The following THBS2 variants were observed in gnomAD, a reference collection of about 807,000 sequenced individuals.
THBS2 encodes the protein thrombospondin-2.
A neutral mutation model predicts 135.2 loss-of-function variants in THBS2; 47 were observed. That is an observed-to-expected ratio of 0.35 (90% confidence interval 0.28 to 0.44). The LOEUF (loss-of-function observed/expected upper bound fraction) is 0.44, where lower values mean the gene tolerates loss of function less well. Ranked by LOEUF, THBS2 falls within the 20% of genes least tolerant of loss-of-function variation. The probability of loss-of-function intolerance (pLI) is 1.00; values close to 1 mark genes in which losing one functional copy is unlikely to be tolerated. For missense variants in THBS2, 1,288 were observed against 1,603.1 expected (o/e 0.80, Z 3.36); for synonymous variants, 639 against 633.8 (o/e 1.01, Z -0.12).
rs1189436852 is a variant in THBS2 at position 169,217,156 on chromosome 6, G to C, written c.*666C>G. On this transcript the variant is annotated 3_prime_UTR_variant, in exon 22 of 22. Coordinates refer to ENST00000617924, the MANE Select transcript of THBS2 (RefSeq NM_003247.5). ...TCTTTGATGAAACTGCATCTCTACT[G>C]CACATGAGGGCTTTCATTGTAGGAC... The C allele has an allele frequency of 1.3e-5, 2 of 152,264 alleles. No individual in the cohort carries two copies. The highest frequency in any genetic ancestry group is 4.8e-5 in the African/African-American group (2 of 41,468). The allele number at this position is 152,264 out of a possible 1,614,324, so 9.4% of individuals were successfully genotyped here.
In THBS2 at chr6:169,217,085, A is replaced by G. The variant is rs949395046; in HGVS notation, c.*737T>C. On this transcript the variant is annotated 3_prime_UTR_variant, in exon 22 of 22. Transcript: ENST00000617924. ...CTTTTACTTAAATGAGGTTTTGCCA[A>G]ATCCACATCTGGAACCGCGTCACAC... 6 of 152,268 alleles carry G rather than the reference A, an allele frequency of 3.9e-5. No individual in the cohort carries two copies. The highest frequency in any genetic ancestry group is 1.2e-4 in the African/African-American group (5 of 41,478). The allele number at this position is 152,268 out of a possible 1,614,324, so 9.4% of individuals were successfully genotyped here. A position where few individuals can be genotyped will look rare whatever the true frequency, so the allele number is the denominator to read the frequency against.
chr6:169,249,126 G>A lies in THBS2; in HGVS notation c.53-153C>T, dbSNP rs1057255662. Among the ~76,000 whole-genome samples, 4 of 152,106 alleles carry A rather than the reference G, an allele frequency of 2.6e-5. No individual in the cohort carries two copies. The South Asian group carries it at 8.3e-4, about 32-fold the overall frequency. On this transcript the variant is annotated intron_variant, in intron 2 of 21. Transcript: ENST00000617924. ...CTCTCCCTTTTTTATGGGAATCCTGGAGCCACCTCTGATGAAAAGCCACTA... is the reference window on the plus strand; with the variant it reads ...CTCTCCCTTTTTTATGGGAATCCTGAAGCCACCTCTGATGAAAAGCCACTA...
chr6:169,221,394 C>G, intron 20 of THBS2, 36 bp downstream of exon 20: 1 of 1,589,628 alleles, frequency 6.3e-7, no homozygotes, highest in African/African-American at 1.3e-5. Flanking sequence ...TGGGAAGCCC[C>G]TTGGAAGAAA....
chr6:169,236,789 C>T (rs1223411740), intron 9 of THBS2, among the ~76,000 whole-genome samples: 8 of 148,860 alleles, frequency 5.4e-5, no homozygotes, highest in East Asian at 2.0e-4. Context: ...CACTCACTCC[C>T]GTCCGCACTC....
intron 20 of THBS2, 110 bp from the exon 21 acceptor site, chr6:169,220,447 C>G: frequency 7.3e-7 from 1 of 1,368,530 alleles, no homozygotes; most frequent in Admixed American, 2.1e-5. Context: ...GGATACTCCG[C>G]CCAGGGCTTC....
At position 169,226,205 on chromosome 6, in the gene THBS2, C is replaced by T; in HGVS notation, c.2513G>A (p.Cys838Tyr). 6.2e-7 allele frequency: 1 copy of T among 1,614,070 alleles called. No individual in the cohort carries two copies. Among genetic ancestry groups the T allele is most frequent in the East Asian group, 2.2e-5 (1 of 44,866 alleles). ...GDGVGDHCDN[C>Y]PLVHNPDQTD... Reference sequence around the variant, plus strand: ...CTGGTCAGGGTTGTGCACCAGGGGGCAGTTGTCACAGTGATCCCCCACACC... The same window carrying T: ...CTGGTCAGGGTTGTGCACCAGGGGGTAGTTGTCACAGTGATCCCCCACACC... The change falls in exon 16 of 22, where the codon TGC (cysteine) becomes TAC (tyrosine). Residue 838 changes from cysteine (C) to tyrosine (Y), a missense_variant. This residue lies in a region of THBS2 where 874 missense variants were observed against 1,156.1 expected (regional missense o/e 0.76). Coordinates refer to ENST00000617924, the MANE Select transcript of THBS2 (RefSeq NM_003247.5).
At chr6:169,231,897 C>T in intron 13 of THBS2, 83 bp downstream of exon 13, 1 of 1,458,714 alleles carries the variant, frequency 6.9e-7, no homozygotes, top group Non-Finnish European at 9.2e-7. Flanking sequence ...GCTGCCCCCG[C>T]CCCCCGTCCG....
At chr6:169,229,502 T>A in intron 14 of THBS2, 70 bp downstream of exon 14, 1 of 1,239,090 alleles carries the variant, frequency 8.1e-7, no homozygotes, top group Non-Finnish European at 1.2e-6. Context: ...CTGTTTGGTA[T>A]AAAGTGGCCT....
At chr6:169,245,904 T>A (rs1780540461) in intron 4 of THBS2, among the ~76,000 whole-genome samples, 1 of 152,166 alleles carries the variant, frequency 6.6e-6, no homozygotes, top group Non-Finnish European at 1.5e-5. Flanking sequence ...TGTCTATATT[T>A]CAACTCATAT....
Position 169,241,768 on chromosome 6 carries a change from C to T in THBS2, c.885G>A (p.Lys295=), listed in dbSNP as rs1780308015. The T allele has an allele frequency of 6.2e-7, 1 of 1,608,954 alleles. No homozygotes were observed. Among genetic ancestry groups the T allele is most frequent in the African/African-American group, 1.3e-5 (1 of 74,874 alleles). Reference sequence around the variant, plus strand: ...CCCCTGCGTGAGTACCCACCACTCTCTTGAGGTTCTCGCTGAGCTGGTTCA... The same window carrying T: ...CCCCTGCGTGAGTACCCACCACTCTTTTGAGGTTCTCGCTGAGCTGGTTCA... ...VLVNQLSENL[K]RVSNDNQFLW... Residue 295 remains lysine, a synonymous_variant, in exon 5 of 22, where the codon AAG becomes AAA. Coordinates refer to ENST00000617924, the MANE Select transcript of THBS2 (RefSeq NM_003247.5). This position sits in a 1 kb window ranked among gnomAD's most constrained non-coding sequence, Gnocchi z 5.5.
intron 12 of THBS2, among the ~76,000 whole-genome samples, 163 bp from the exon 13 acceptor site, chr6:169,232,361 G>A (rs567674269): frequency 3.2e-4 from 49 of 152,306 alleles, no homozygotes; most frequent in Non-Finnish European, 6.0e-4. Context: ...GGTGCTGTTC[G>A]TTCCTGAGGC....
intron 17 of THBS2, 146 bp from the exon 18 acceptor site, chr6:169,223,621 G>A (rs977041329): frequency 1.1e-5 from 7 of 660,810 alleles, no homozygotes; most frequent in Middle Eastern, 5.0e-4. Context: ...GCAGTGTTTT[G>A]TGGATTCGTG....
rs578215810 is a variant in THBS2 at position 169,226,241 on chromosome 6, G to A, written c.2477C>T (p.Thr826Met). Residue 826 changes from threonine (T) to methionine (M), a missense_variant, in exon 16 of 22, where the codon ACG becomes ATG. Physicochemically the swap from Thr to Met is moderately conservative, Grantham distance 81. Around this residue, in one of 2 missense-constraint regions of THBS2, gnomAD observed 874 missense variants for 1,156.1 expected, o/e 0.76. Coordinates refer to ENST00000617924, the MANE Select transcript of THBS2 (RefSeq NM_003247.5). ...PYVYNTDQRD[T>M]DGDGVGDHCD... ...GTGATCCCCCACACCGTCACCATCC[G>A]TGTCCCTCTGGTCAGTGTTGTAGAC... is the stretch of plus-strand genomic sequence containing the variant. 2.1e-5 allele frequency: 34 copies of A among 1,613,918 alleles called. No homozygotes were observed. The South Asian group carries it at 2.4e-4, about 11-fold the overall frequency.
At chr6:169,224,240 G>A (rs1220538899) in intron 17 of THBS2, among the ~76,000 whole-genome samples, 2 of 152,268 alleles carry the variant, frequency 1.3e-5, no homozygotes, top group Non-Finnish European at 2.9e-5. Context: ...CAGGCACATA[G>A]TTGGTATCAG....
chr6:169,246,588 A>G (rs1395492482), intron 3 of THBS2, among the ~76,000 whole-genome samples: 1 of 152,212 alleles, frequency 6.6e-6, no homozygotes, highest in Non-Finnish European at 1.5e-5. Flanking sequence ...TGTTCTGGGC[A>G]TGTTCCCATG....
At chr6:169,230,220 C>CA (rs11442815) in intron 13 of THBS2, among the ~76,000 whole-genome samples, 97,730 of 152,028 alleles carry the variant, frequency 0.64, 32,505 homozygotes, top group African/African-American at 0.83. Flanking sequence ...TGTAATTGGG[C>CA]AAAAACTCCT....
chr6:169,222,333 G>A lies in THBS2; in HGVS notation c.3137C>T (p.Thr1046Met), dbSNP rs760944237. 44 of 1,613,508 alleles carry A rather than the reference G, an allele frequency of 2.7e-5. No individual in the cohort carries two copies. Among genetic ancestry groups the A allele is most frequent in the Non-Finnish European group, 3.4e-5 (40 of 1,180,046 alleles). Residue 1046 changes from threonine (T) to methionine (M), a missense_variant, in exon 19 of 22, where the codon ACG becomes ATG. By Grantham distance (81) the Thr-to-Met change is moderately conservative. Coordinates refer to ENST00000617924, the MANE Select transcript of THBS2 (RefSeq NM_003247.5). ...GGGCTGGTCCTCCCAGTAGGTCTGC[G>A]TCACCTGCTTCCACATCACCACATA... Reference protein sequence around the residue: ...RFYVVMWKQVTQTYWEDQPTR... With the variant: ...RFYVVMWKQVMQTYWEDQPTR...
rs775077218 is a variant in THBS2 at position 169,240,489 on chromosome 6, G to A, written c.995C>T (p.Thr332Met). Residue 332 changes from threonine (T) to methionine (M), a missense_variant, in exon 6 of 22, where the codon ACG (threonine) becomes ATG (methionine). Thr to Met is a moderately conservative substitution (Grantham distance 81). Transcript: ENST00000617924. Reference sequence around the variant, plus strand: ...CGTGGTGCAGCTGTCCACCACCCACGTTTCATTTTCCGCAAAGAACCGGCC... The same window carrying A: ...CGTGGTGCAGCTGTCCACCACCCACATTTCATTTTCCGCAAAGAACCGGCC... ...QDGRFFAENE[T>M]WVVDSCTTCT... 151 of 1,613,724 alleles carry A rather than the reference G, an allele frequency of 9.4e-5. No homozygotes were observed. The highest frequency in any genetic ancestry group is 1.2e-4 in the Non-Finnish European group (145 of 1,180,014).
chr6:169,221,759 G>T (rs1271939546), intron 19 of THBS2, among the ~76,000 whole-genome samples: 1 of 152,184 alleles, frequency 6.6e-6, no homozygotes, highest in African/African-American at 2.4e-5. Context: ...CAGATTCCTG[G>T]ATTGAAGAGC....
Sources: allele counts gnomAD v4.1 joint callset (sites outside exome capture counted in the v4.1 genomes callset), GRCh38; gene constraint gnomAD v4.1.1; regional missense constraint gnomAD v4.1.1; non-coding constraint Gnocchi (gnomAD v3.1); transcripts MANE v1.5; gene names NCBI Gene and HGNC (gene_info 2026-07-23, HGNC 2026-07-21).